The following SH3TC2 variants were observed in gnomAD, a reference collection of about 807,000 sequenced individuals.
SH3TC2 encodes the protein SH3 domain and tetratricopeptide repeats 2.
A neutral mutation model predicts 124.5 loss-of-function variants in SH3TC2; 87 were observed. The ratio of observed to expected loss-of-function variants is 0.70; its 90% confidence interval spans 0.59 to 0.84. The LOEUF (loss-of-function observed/expected upper bound fraction) is 0.84. Among genes scored for constraint, SH3TC2 ranks in the 40% least tolerant of loss-of-function variants. The pLI is 0.00. For synonymous variants in SH3TC2, 634 were observed against 628.5 expected, an observed-to-expected ratio of 1.01 and a Z score of -0.13; for missense variants, 1,536 against 1,566.4, an observed-to-expected ratio of 0.98 and a Z score of 0.33.
At chr5:149,038,226 G>A in intron 8 of SH3TC2, 69 bp downstream of exon 8, 2 of 1,523,064 alleles carry the variant, frequency 1.3e-6, no homozygotes, top group Non-Finnish European at 1.8e-6. Context: ...CTGCAAATCT[G>A]CTCAAAGAGG....
At position 149,028,284 on chromosome 5, in the gene SH3TC2, A is replaced by C. The variant is rs751644174; in HGVS notation, c.1448T>G (p.Phe483Cys). The C allele has an allele frequency of 2.5e-6, 4 of 1,613,970 alleles. No homozygotes were observed. The Admixed American group carries it at 6.7e-5, about 27-fold the overall frequency. ...FLDHEGYADH[F>C]KSLYDFSFSF... is the part of the protein sequence containing the mutation. ...GAAGGAGAAGTCATAGAGACTCTTA[A>C]AGTGGTCAGCATAACCCTCATGATC... Residue 483 changes from phenylalanine to cysteine, a missense_variant, in exon 11 of 17, where the codon TTT becomes TGT. Transcript: ENST00000515425.
chr5:149,019,021 G>A (rs1753924594), intron 12 of SH3TC2, among the ~76,000 whole-genome samples: 1 of 152,198 alleles, frequency 6.6e-6, no homozygotes, highest in South Asian at 2.1e-4. Flanking sequence ...TGAGCTTTGT[G>A]AGAATGCAAA....
In SH3TC2 at chr5:148,990,056, A is replaced by T. The variant is rs914013985; in HGVS notation, c.*14655T>A. Among the ~76,000 whole-genome samples, 2 of 151,988 alleles carry T rather than the reference A, an allele frequency of 1.3e-5. No individual in the cohort carries two copies. The highest frequency in any genetic ancestry group is 2.9e-5 in the Non-Finnish European group (2 of 67,994). On this transcript the variant is annotated 3_prime_UTR_variant, in exon 17 of 17. Coordinates refer to ENST00000515425, the MANE Select transcript of SH3TC2 (RefSeq NM_024577.4). ...CTCTCACTCAAAATATAGCTCCCTT[A>T]AGCCAGTTTTCCCTGCTTTCTCTCA... is the stretch of plus-strand genomic sequence containing the variant.
chr5:149,026,500 C>T, intron 12 of SH3TC2, 72 bp downstream of exon 12: 1 of 1,589,968 alleles, frequency 6.3e-7, no homozygotes. Flanking sequence ...GACTTGCTTC[C>T]TGTGGGAAAG....
Position 148,991,246 on chromosome 5 carries a change from G to A in SH3TC2, c.*13465C>T, listed in dbSNP as rs186009343. Among the ~76,000 whole-genome samples the A allele has an allele frequency of 6.6e-6, 1 of 152,212 alleles. No individual in the cohort carries two copies. Among genetic ancestry groups the A allele is most frequent in the Non-Finnish European group, 1.5e-5 (1 of 68,040 alleles). On this transcript the variant is annotated 3_prime_UTR_variant, in exon 17 of 17. Transcript: ENST00000515425. ...CCCATATACCACATTGGATGTGAGA[G>A]TGAATATACTGCAAGAATGTACTTC...
intron 8 of SH3TC2, chr5:149,034,586 C>A (rs1490632833): frequency 5.7e-5 from 16 of 283,038 alleles, no homozygotes; most frequent in South Asian, 1.4e-4. Context: ...GCTTACAGGT[C>A]TTTTTAAGTT....
intron 15 of SH3TC2, chr5:149,007,356 G>A: frequency 1.7e-6 from 1 of 596,028 alleles, no homozygotes; most frequent in South Asian, 2.1e-5. Flanking sequence ...GTAGAGGATG[G>A]GTCAAGGTTT....
chr5:149,056,124 T>C (rs1580919535), intron 1 of SH3TC2, among the ~76,000 whole-genome samples: 1 of 152,078 alleles, frequency 6.6e-6, no homozygotes, highest in African/African-American at 2.4e-5. Flanking sequence ...TTAACTTTTA[T>C]TTTAGGTTTC....
At chr5:149,018,016 A>G (rs1753904042) in intron 12 of SH3TC2, among the ~76,000 whole-genome samples, 1 of 152,262 alleles carries the variant, frequency 6.6e-6, no homozygotes, top group African/African-American at 2.4e-5. Flanking sequence ...CAAGGCCTAA[A>G]ACACTTACTA....
rs889569767 is a variant in SH3TC2, at chr5:149,044,225, C to T, written c.385+308G>A. 3.0e-5 allele frequency: 11 copies of T among 361,810 alleles called. 1 individual carries two copies. The highest frequency in any genetic ancestry group is 2.6e-4 in the South Asian group (11 of 42,238). 22.4% of individuals were successfully genotyped at this position (361,810 alleles called of 1,614,324 possible). ...AACACACACACTAGCACCAAGTTCACATCTATTTCAGTACTTTGAACTTAG... is the reference window on the plus strand; with the variant it reads ...AACACACACACTAGCACCAAGTTCATATCTATTTCAGTACTTTGAACTTAG... On this transcript the variant is annotated intron_variant, in intron 4 of 16. Coordinates refer to ENST00000515425, the MANE Select transcript of SH3TC2 (RefSeq NM_024577.4).
At chr5:149,053,288 CAT>C (rs1224960518) in intron 1 of SH3TC2, among the ~76,000 whole-genome samples, 30 of 152,316 alleles carry the variant, frequency 2.0e-4, no homozygotes, top group African/African-American at 6.7e-4. Flanking sequence ...CCTAAATTCT[CAT>C]ATTGCTGCTA....
chr5:149,020,376 A>G (rs910377963), intron 12 of SH3TC2, among the ~76,000 whole-genome samples: 3 of 152,230 alleles, frequency 2.0e-5, no homozygotes, highest in African/African-American at 7.2e-5. Flanking sequence ...ACAAGAAAAA[A>G]TCTATTTAAC....
rs377566714 is a variant in SH3TC2, at chr5:149,041,314, C to T, written c.731+102G>A. 7.2e-6 allele frequency: 9 copies of T among 1,254,584 alleles called. No homozygotes were observed. In the African/African-American group the frequency reaches 1.3e-4, roughly 19 times the overall value. 77.7% of individuals were successfully genotyped at this position (1,254,584 alleles called of 1,614,324 possible). A position where few individuals can be genotyped will look rare whatever the true frequency, so the allele number is the denominator to read the frequency against. On this transcript the variant is annotated intron_variant, in intron 6 of 16. Transcript: ENST00000515425. ...AGACCCACCCAGAATCTGTTCTCTCCTCCACACTATGGATGCCCATATCTG... is the reference window on the plus strand; with the variant it reads ...AGACCCACCCAGAATCTGTTCTCTCTTCCACACTATGGATGCCCATATCTG...
rs1291082818 is a variant in SH3TC2 at position 149,040,695 on chromosome 5, G to T, written c.732-18C>A. ...GGAACCACCTGCCAATGAAAACATG[G>T]GGTTTGCAAACACAGATTTCAAAAA... On this transcript the variant is annotated intron_variant, in intron 6 of 16. Coordinates refer to ENST00000515425, the MANE Select transcript of SH3TC2 (RefSeq NM_024577.4). 6.2e-7 allele frequency: 1 copy of T among 1,612,622 alleles called. No individual in the cohort carries two copies. Among genetic ancestry groups the T allele is most frequent in the Non-Finnish European group, 8.5e-7 (1 of 1,178,870 alleles).
At position 148,997,873 on chromosome 5, in the gene SH3TC2, G is replaced by T. The variant is rs1753535995; in HGVS notation, c.*6838C>A. Among the ~76,000 whole-genome samples, 1 of 152,180 alleles carries T rather than the reference G, an allele frequency of 6.6e-6. No individual in the cohort carries two copies. The highest frequency in any genetic ancestry group is 1.5e-5 in the Non-Finnish European group (1 of 68,020). Reference sequence around the variant, plus strand: ...ACATGAGAGTCATCACAAAGGTTTTGCATGAGACTTAATGCATAAAACACA... The same window carrying T: ...ACATGAGAGTCATCACAAAGGTTTTTCATGAGACTTAATGCATAAAACACA... On this transcript the variant is annotated 3_prime_UTR_variant, in exon 17 of 17. Coordinates refer to ENST00000515425, the MANE Select transcript of SH3TC2 (RefSeq NM_024577.4).
chr5:149,026,664 C>A lies in SH3TC2; in HGVS notation c.2961G>T (p.Trp987Cys). Residue 987 changes from tryptophan (W) to cysteine (C), a missense_variant, in exon 12 of 17, where the codon TGG (tryptophan) becomes TGT (cysteine). Trp to Cys is a radical substitution (Grantham distance 215). This residue lies in a region of SH3TC2 where 426 missense variants were observed against 443.5 expected (regional missense o/e 0.96). Transcript: ENST00000515425. The part of the protein sequence containing the change: ...PEACITYHEH[W>C]LALAQQLRDR... ...CCCTGAGTTGCTGAGCCAGGGCCAG[C>A]CAGTGCTCATGGTAGGTGATGCATG... 3.7e-6 allele frequency: 6 copies of A among 1,614,170 alleles called. No homozygotes were observed. The highest frequency in any genetic ancestry group is 4.2e-6 in the Non-Finnish European group (5 of 1,180,024).
rs1482827210 is a variant in SH3TC2, at chr5:149,001,060, G to A, written c.*3651C>T. ...AAATACAGGTTCCCTTTAGTGATAG[G>A]CTTCCTGATCCCTCATCCTAACACC... On this transcript the variant is annotated 3_prime_UTR_variant, in exon 17 of 17. Coordinates refer to ENST00000515425, the MANE Select transcript of SH3TC2 (RefSeq NM_024577.4). 1.3e-5 allele frequency among the ~76,000 whole-genome samples: 2 copies of A among 151,966 alleles called. No individual in the cohort carries two copies. Among genetic ancestry groups the A allele is most frequent in the African/African-American group, 2.4e-5 (1 of 41,360 alleles).
chr5:149,007,293 C>G (rs917316307), intron 15 of SH3TC2: 3 of 642,682 alleles, frequency 4.7e-6, no homozygotes, highest in African/African-American at 1.8e-5. Context: ...TGTAACATTA[C>G]ACATGTCATA....
intron 3 of SH3TC2, chr5:149,045,057 A>G (rs911172079): frequency 1.8e-5 from 3 of 165,342 alleles, no homozygotes; most frequent in African/African-American, 7.2e-5. Context: ...TTATGAGTCT[A>G]TGTCTAATGA....
Sources: allele counts gnomAD v4.1 joint callset (sites outside exome capture counted in the v4.1 genomes callset), GRCh38; gene constraint gnomAD v4.1.1; regional missense constraint gnomAD v4.1.1; transcripts MANE v1.5; gene names NCBI Gene and HGNC (gene_info 2026-07-23, HGNC 2026-07-21).